DERA: variants seen among roughly 807,000 people sequenced by gnomAD.
The protein encoded by DERA is 2-deoxy-D-ribose 5-phosphate aldolase.
DERA carries 15 observed loss-of-function variants against 41.1 expected under a neutral mutation model. The observed-to-expected ratio is 0.37, with a 90% CI of 0.24 to 0.56. DERA has a LOEUF of 0.56. Among genes scored for constraint, DERA ranks in the 20% least tolerant of loss-of-function variants. The pLI is 0.81. For missense variants in DERA, 396 were observed against 403.4 expected, an observed-to-expected ratio of 0.98 and a Z score of 0.16; for synonymous variants, 139 against 137.4, an observed-to-expected ratio of 1.01 and a Z score of -0.08.
At position 15,911,543 on chromosome 12, in the gene DERA, A is replaced by G; in HGVS notation, c.31+129A>G. On this transcript the variant is annotated intron_variant, in intron 1 of 8. Transcript: ENST00000428559. This position sits in a 1 kb window ranked among gnomAD's most constrained non-coding sequence, Gnocchi z 4.5. The stretch of plus-strand genomic sequence containing the variant: ...AGGGGTTTTCGCTGGGGCGGGAAGC[A>G]GTGGCGTCTGGTCAGCCCTCACCCC... 1 of 964,998 alleles carries G rather than the reference A, an allele frequency of 1.0e-6. No individual in the cohort carries two copies. The allele number at this position is 964,998 out of a possible 1,614,324, so 59.8% of individuals were successfully genotyped here.
intron 1 of DERA, among the ~76,000 whole-genome samples, chr12:15,914,886 C>T (rs904610508): frequency 3.9e-5 from 6 of 152,206 alleles, no homozygotes; most frequent in African/African-American, 1.2e-4. Flanking sequence ...AGCAATCCTC[C>T]TGCCTCAGCC....
chr12:15,933,143 T>C (rs1310551059), intron 1 of DERA, among the ~76,000 whole-genome samples: 1 of 152,216 alleles, frequency 6.6e-6, no homozygotes, highest in Admixed American at 6.5e-5. Context: ...AGAGCAGATG[T>C]TTCTTCAACA....
At chr12:15,956,809 G>T (rs1378563801) in intron 1 of DERA, 127 bp from the exon 2 acceptor site, 3 of 787,932 alleles carry the variant, frequency 3.8e-6, no homozygotes, top group Non-Finnish European at 6.8e-6. Context: ...GTACAAAAAA[G>T]AAATATAAGC....
chr12:15,926,933 T>C (rs1415829234), intron 1 of DERA, among the ~76,000 whole-genome samples: 1 of 152,154 alleles, frequency 6.6e-6, no homozygotes, highest in Non-Finnish European at 1.5e-5. Flanking sequence ...AGTTCTTCAC[T>C]TGGAGAACTG....
intron 5 of DERA, among the ~76,000 whole-genome samples, chr12:15,963,519 A>C (rs1385323690): frequency 6.6e-6 from 1 of 152,154 alleles, no homozygotes; most frequent in Non-Finnish European, 1.5e-5. Flanking sequence ...TTCCAGCAAC[A>C]AGCTTTTGTT....
Position 15,935,166 on chromosome 12 carries a change from C to T in DERA, c.32-21770C>T, listed in dbSNP as rs1948355933. Among the ~76,000 whole-genome samples the T allele has an allele frequency of 6.6e-6, 1 of 152,106 alleles. No homozygotes were observed. Among genetic ancestry groups the T allele is most frequent in the Admixed American group, 6.6e-5 (1 of 15,260 alleles). On this transcript the variant is annotated intron_variant, in intron 1 of 8. Coordinates refer to ENST00000428559, the MANE Select transcript of DERA (RefSeq NM_015954.4). This position sits in a 1 kb window ranked among gnomAD's most constrained non-coding sequence, Gnocchi z 4.8. ...GAGCTGAATTTAAATACATGGACAT[C>T]CATTGCTATGATATTTTAAAGTTTC...
rs1949122660 is a variant in DERA, at chr12:16,035,723, CT to C, written c.751-503del. Among the ~76,000 whole-genome samples, 1 of 152,158 alleles carries C rather than the reference CT, an allele frequency of 6.6e-6. No individual in the cohort carries two copies. Among genetic ancestry groups the C allele is most frequent in the Non-Finnish European group, 1.5e-5 (1 of 68,034 alleles). ...TTAAAACAACTGTCAACTTTCCTTGCTTTTTTGCTGCCAGTTTGGTTAGGGT... is the reference window on the plus strand; with the variant it reads ...TTAAAACAACTGTCAACTTTCCTTGCTTTTTGCTGCCAGTTTGGTTAGGGT... On this transcript the variant is annotated intron_variant, in intron 7 of 8. Transcript: ENST00000428559. The surrounding 1 kb of genome is among the most constrained non-coding windows in gnomAD (Gnocchi z 4.1).
At chr12:15,956,887 T>C (rs1189718580) in intron 1 of DERA, 49 bp from the exon 2 acceptor site, 1 of 1,321,688 alleles carries the variant, frequency 7.6e-7, no homozygotes, top group Non-Finnish European at 1.1e-6. Context: ...TAGGTGACTA[T>C]ATTTAATGAA....
chr12:16,036,708 G>A lies in DERA; in HGVS notation c.919G>A (p.Gly307Arg), dbSNP rs1449795400. ...CTCACAGATTTACCATCATGTGACTGGAAGATATGCAGCTTATCATGATCT... is the reference window on the plus strand; with the variant it reads ...CTCACAGATTTACCATCATGTGACTAGAAGATATGCAGCTTATCATGATCT... The part of the protein sequence containing the change: ...IERQIYHHVT[G>R]RYAAYHDLPM... Residue 307 changes from glycine to arginine, a missense_variant, in exon 9 of 9, where the codon GGA (glycine) becomes AGA (arginine). Coordinates refer to ENST00000428559, the MANE Select transcript of DERA (RefSeq NM_015954.4). The surrounding 1 kb of genome is among the most constrained non-coding windows in gnomAD (Gnocchi z 4.9). 3.6e-5 allele frequency: 58 copies of A among 1,603,412 alleles called. No individual in the cohort carries two copies. Among genetic ancestry groups the A allele is most frequent in the Non-Finnish European group, 4.8e-5 (57 of 1,176,310 alleles).
chr12:16,018,260 G>A (rs571885101), intron 6 of DERA, among the ~76,000 whole-genome samples: 69 of 152,082 alleles, frequency 4.5e-4, no homozygotes, highest in African/African-American at 1.3e-3. Context: ...AATTTGATCC[G>A]TTAATCTTTT....
intron 6 of DERA, among the ~76,000 whole-genome samples, chr12:16,027,830 C>T (rs1214060615): frequency 6.6e-6 from 1 of 152,122 alleles, no homozygotes; most frequent in East Asian, 1.9e-4. Context: ...AGAAAATCCC[C>T]CCAAATCAAC....
At chr12:16,006,254 C>T (rs1948910017) in intron 6 of DERA, among the ~76,000 whole-genome samples, 1 of 151,474 alleles carries the variant, frequency 6.6e-6, no homozygotes, top group Admixed American at 6.5e-5. Flanking sequence ...ATTTGTCCAA[C>T]CCAAATCAGA....
rs1438476455 is a variant in DERA, at chr12:16,035,560, T to A, written c.751-672T>A. Among the ~76,000 whole-genome samples the A allele has an allele frequency of 6.6e-6, 1 of 152,208 alleles. No individual in the cohort carries two copies. The highest frequency in any genetic ancestry group is 1.5e-5 in the Non-Finnish European group (1 of 68,036). ...AGATATTGGCTGAATTCAGCTGTGT[T>A]ATGATCAACCTTAAAGACTACTGGA... On this transcript the variant is annotated intron_variant, in intron 7 of 8. Transcript: ENST00000428559. This position sits in a 1 kb window ranked among gnomAD's most constrained non-coding sequence, Gnocchi z 4.1.
At position 15,970,556 on chromosome 12, in the gene DERA, T is replaced by C. The variant is rs1325810137; in HGVS notation, c.508+7609T>C. ...TTTTATTTATTTATTTATAAGTGTT[T>C]TTAGCTTTTTGAGGGTTTTTAAATT... On this transcript the variant is annotated intron_variant, in intron 5 of 8. Transcript: ENST00000428559. This position sits in a 1 kb window ranked among gnomAD's most constrained non-coding sequence, Gnocchi z 4.3. 1.3e-5 allele frequency among the ~76,000 whole-genome samples: 2 copies of C among 152,174 alleles called. No individual in the cohort carries two copies. Among genetic ancestry groups the C allele is most frequent in the African/African-American group, 4.8e-5 (2 of 41,448 alleles).
At position 15,918,413 on chromosome 12, in the gene DERA, C is replaced by A. The variant is rs1187649360; in HGVS notation, c.31+6999C>A. ...TGATTGGACTCTGGGCTACCCCATT[C>A]TGTTTGGCCCACTCTGGGCCATAGT... On this transcript the variant is annotated intron_variant, in intron 1 of 8. Transcript: ENST00000428559. This position sits in a 1 kb window ranked among gnomAD's most constrained non-coding sequence, Gnocchi z 4.3. Among the ~76,000 whole-genome samples, 1 of 152,176 alleles carries A rather than the reference C, an allele frequency of 6.6e-6. No homozygotes were observed. The highest frequency in any genetic ancestry group is 1.5e-5 in the Non-Finnish European group (1 of 68,032).
rs1227510141 is a variant in DERA at position 16,009,491 on chromosome 12, A to G, written c.638-23051A>G. ...ACCTCTTCTCAAGAGTAAATTTATG[A>G]TATTTGTGACAAACAACCAAATAAA... On this transcript the variant is annotated intron_variant, in intron 6 of 8. Coordinates refer to ENST00000428559, the MANE Select transcript of DERA (RefSeq NM_015954.4). The surrounding 1 kb of genome is among the most constrained non-coding windows in gnomAD (Gnocchi z 5.3). Among the ~76,000 whole-genome samples, 1 of 152,186 alleles carries G rather than the reference A, an allele frequency of 6.6e-6. No individual in the cohort carries two copies. Among genetic ancestry groups the G allele is most frequent in the Non-Finnish European group, 1.5e-5 (1 of 68,022 alleles).
chr12:15,947,173 T>C (rs1948456727), intron 1 of DERA, among the ~76,000 whole-genome samples: 1 of 152,210 alleles, frequency 6.6e-6, no homozygotes, highest in South Asian at 2.1e-4. Context: ...CTGAGAGGAA[T>C]GTATAGTCTG....
chr12:16,006,332 A>AT (rs1263634938), intron 6 of DERA, among the ~76,000 whole-genome samples: 9 of 152,190 alleles, frequency 5.9e-5, no homozygotes, highest in Non-Finnish European at 4.4e-5. Flanking sequence ...TGCCAGTGAG[A>AT]TTTTTTTGTA....
intron 1 of DERA, among the ~76,000 whole-genome samples, chr12:15,947,743 C>G (rs578146737): frequency 6.6e-6 from 1 of 152,168 alleles, no homozygotes; most frequent in Admixed American, 6.5e-5. Context: ...GAATTTGATC[C>G]CGTCATTATG....
Sources: allele counts gnomAD v4.1 joint callset (sites outside exome capture counted in the v4.1 genomes callset), GRCh38; gene constraint gnomAD v4.1.1; non-coding constraint Gnocchi (gnomAD v3.1); transcripts MANE v1.5; gene names NCBI Gene and HGNC (gene_info 2026-07-23, HGNC 2026-07-21).